Variants in PLEKHM3 observed in about 807,000 individuals in gnomAD.
The protein encoded by PLEKHM3 is pleckstrin homology domain-containing family M member 3.
PLEKHM3 carries 45 observed loss-of-function variants against 81.8 expected under a neutral mutation model. The ratio of observed to expected loss-of-function variants is 0.55; its 90% confidence interval spans 0.43 to 0.71. The LOEUF is 0.71. PLEKHM3 is among the 30% of genes least tolerant of loss of function. The pLI is 0.00. For synonymous variants in PLEKHM3, 352 were observed against 356.4 expected (o/e 0.99, Z 0.14); for missense variants, 788 against 924.3 (o/e 0.85, Z 1.91).
intron 7 of PLEKHM3, among the ~76,000 whole-genome samples, chr2:207,854,766 AAGG>A (rs2105801555): frequency 6.6e-6 from 1 of 152,282 alleles, no homozygotes; most frequent in African/African-American, 2.4e-5. Context: ...ATCAAGGAAG[AAGG>A]AGGATTCTCC....
chr2:208,003,826 A>T (rs1007741752), intron 1 of PLEKHM3, among the ~76,000 whole-genome samples: 4 of 152,226 alleles, frequency 2.6e-5, no homozygotes, highest in Non-Finnish European at 5.9e-5. Context: ...AATATACATA[A>T]ATATAATAAA....
chr2:207,920,566 A>G (rs1246703068), intron 5 of PLEKHM3, among the ~76,000 whole-genome samples: 1 of 108,670 alleles, frequency 9.2e-6, no homozygotes, highest in Non-Finnish European at 2.0e-5. Flanking sequence ...TAGCAGTCCA[A>G]AGTAAAATGA....
intron 4 of PLEKHM3, among the ~76,000 whole-genome samples, chr2:207,940,709 C>T (rs574283889): frequency 2.0e-5 from 3 of 152,156 alleles, no homozygotes; most frequent in Admixed American, 1.3e-4. Flanking sequence ...GATGGTGGCA[C>T]GAAGGAGAGA....
Position 207,826,942 on chromosome 2 carries a change from T to G in PLEKHM3, c.*1377A>C, listed in dbSNP as rs1167506406. 1 of 152,188 alleles carries G rather than the reference T, an allele frequency of 6.6e-6. No individual in the cohort carries two copies. Among genetic ancestry groups the G allele is most frequent in the Non-Finnish European group, 1.5e-5 (1 of 68,034 alleles). 9.4% of individuals were successfully genotyped at this position (152,188 alleles called of 1,614,324 possible). A position where few individuals can be genotyped will look rare whatever the true frequency, so the allele number is the denominator to read the frequency against. On this transcript the variant is annotated 3_prime_UTR_variant, in exon 8 of 8. Coordinates refer to ENST00000427836, the MANE Select transcript of PLEKHM3 (RefSeq NM_001080475.3). Reference sequence around the variant, plus strand: ...CCCAGGGCTGTCCTACCTGCCGTTTTGGTCACAGTGACTGCCACGTGCTCT... The same window carrying G: ...CCCAGGGCTGTCCTACCTGCCGTTTGGGTCACAGTGACTGCCACGTGCTCT...
At chr2:207,872,769 G>A (rs2092541554) in intron 6 of PLEKHM3, among the ~76,000 whole-genome samples, 1 of 152,232 alleles carries the variant, frequency 6.6e-6, no homozygotes, top group African/African-American at 2.4e-5. Flanking sequence ...GGAGGTTGCA[G>A]TGAGCCAAGA....
chr2:207,879,041 T>C (rs377020766), intron 6 of PLEKHM3, among the ~76,000 whole-genome samples: 14 of 152,292 alleles, frequency 9.2e-5, no homozygotes, highest in African/African-American at 1.7e-4. Context: ...ACATCTATTA[T>C]GGTAATAAGT....
chr2:207,905,236 A>T (rs1688564045), intron 6 of PLEKHM3, among the ~76,000 whole-genome samples: 1 of 152,162 alleles, frequency 6.6e-6, no homozygotes, highest in African/African-American at 2.4e-5. Flanking sequence ...CCTTTTCTCT[A>T]GTTACTCGAT....
At chr2:208,016,840 T>C (rs1056266173) in intron 1 of PLEKHM3, among the ~76,000 whole-genome samples, 1 of 152,100 alleles carries the variant, frequency 6.6e-6, no homozygotes, top group African/African-American at 2.4e-5. Context: ...AGAAGTGTGA[T>C]TTTTGACAAG....
intron 6 of PLEKHM3, among the ~76,000 whole-genome samples, chr2:207,893,465 G>T (rs538971577): frequency 6.6e-6 from 1 of 152,276 alleles, no homozygotes; most frequent in East Asian, 1.9e-4. Flanking sequence ...GTGGCTGAAG[G>T]GAACCTTTAG....
chr2:207,952,180 A>G (rs970123256), intron 3 of PLEKHM3, among the ~76,000 whole-genome samples: 3 of 152,184 alleles, frequency 2.0e-5, no homozygotes, highest in Non-Finnish European at 4.4e-5. Flanking sequence ...GAGAAGACAC[A>G]TTGTCGTTTT....
intron 7 of PLEKHM3, among the ~76,000 whole-genome samples, chr2:207,856,673 G>A (rs1391428312): frequency 2.0e-5 from 3 of 152,080 alleles, no homozygotes; most frequent in Non-Finnish European, 4.4e-5. Context: ...ATAATATTCC[G>A]TTGTATGGAT....
intron 3 of PLEKHM3, among the ~76,000 whole-genome samples, chr2:207,962,750 A>C (rs1377800248): frequency 1.3e-5 from 2 of 152,182 alleles, no homozygotes; most frequent in East Asian, 3.9e-4. Flanking sequence ...TTATGTGCAA[A>C]TAAACCGTGC....
intron 4 of PLEKHM3, among the ~76,000 whole-genome samples, chr2:207,934,752 C>T (rs1689692669): frequency 6.6e-6 from 1 of 152,182 alleles, no homozygotes; most frequent in Non-Finnish European, 1.5e-5. Flanking sequence ...TACACATATA[C>T]ATTTATAAGT....
chr2:207,904,227 T>G (rs1688532166), intron 6 of PLEKHM3, among the ~76,000 whole-genome samples: 1 of 152,184 alleles, frequency 6.6e-6, no homozygotes, highest in African/African-American at 2.4e-5. Context: ...AAAGTTATAT[T>G]CAAAGAGTTT....
intron 3 of PLEKHM3, among the ~76,000 whole-genome samples, chr2:207,956,123 A>G (rs1690498658): frequency 1.3e-5 from 2 of 152,204 alleles, no homozygotes; most frequent in African/African-American, 4.8e-5. Flanking sequence ...TTGTAAATAG[A>G]GGAGTATGAA....
intron 3 of PLEKHM3, among the ~76,000 whole-genome samples, chr2:207,950,963 AAAG>A (rs746174559): frequency 3.3e-5 from 5 of 152,228 alleles, no homozygotes; most frequent in African/African-American, 1.2e-4. Flanking sequence ...AATGGTTGGA[AAAG>A]AAGATTAGAG....
chr2:208,005,776 TG>T (rs531764850), intron 1 of PLEKHM3, among the ~76,000 whole-genome samples: 94 of 152,354 alleles, frequency 6.2e-4, no homozygotes, highest in Middle Eastern at 3.4e-3. Flanking sequence ...TGTTCACTAA[TG>T]GACCCCAAAT....
chr2:207,966,940 C>T (rs1045572429), intron 3 of PLEKHM3, among the ~76,000 whole-genome samples: 10 of 152,100 alleles, frequency 6.6e-5, no homozygotes, highest in Admixed American at 6.6e-4. Flanking sequence ...AAGAATATTA[C>T]CTCTTCTTTA....
Position 207,872,397 on chromosome 2 carries a change from G to A in PLEKHM3, c.1951-11135C>T, listed in dbSNP as rs1238451138. On this transcript the variant is annotated intron_variant, in intron 6 of 7. Coordinates refer to ENST00000427836, the MANE Select transcript of PLEKHM3 (RefSeq NM_001080475.3). ...CCTCTAGTCCTTATATGAAGTTCTT[G>A]TATAAAAATTCTTTTAATGGTCACA... 2.0e-5 allele frequency among the ~76,000 whole-genome samples: 3 copies of A among 152,262 alleles called. No homozygotes were observed. The East Asian group carries it at 5.8e-4, about 29-fold the overall frequency.
Sources: allele counts gnomAD v4.1 joint callset (sites outside exome capture counted in the v4.1 genomes callset), GRCh38; gene constraint gnomAD v4.1.1; transcripts MANE v1.5; gene names NCBI Gene and HGNC (gene_info 2026-07-23, HGNC 2026-07-21).